ANKRD28: variants seen among roughly 807,000 people sequenced by gnomAD.
ANKRD28 encodes the protein serine/threonine-protein phosphatase 6 regulatory ankyrin repeat subunit A.
In ANKRD28, 44 loss-of-function variants were observed where a neutral mutation model predicts 126.5. The observed-to-expected ratio is 0.35, with a 90% CI of 0.27 to 0.45. The LOEUF (loss-of-function observed/expected upper bound fraction) is 0.45, where lower values mean the gene tolerates loss of function less well. Ranked by LOEUF, ANKRD28 falls within the 20% of genes least tolerant of loss-of-function variation. The pLI is 1.00. For synonymous variants in ANKRD28, 442 were observed against 468.5 expected, an observed-to-expected ratio of 0.94 and a Z score of 0.73; for missense variants, 1,110 against 1,316.6, an observed-to-expected ratio of 0.84 and a Z score of 2.43.
chr3:15,818,692 T>C (rs1203209346), intron 1 of ANKRD28, among the ~76,000 whole-genome samples: 1 of 152,190 alleles, frequency 6.6e-6, no homozygotes, highest in Non-Finnish European at 1.5e-5. Flanking sequence ...CACAAGATAC[T>C]TTAATATTTT....
At position 15,767,426 on chromosome 3, in the gene ANKRD28, T is replaced by A. The variant is rs919997845; in HGVS notation, c.202-1114A>T. Among the ~76,000 whole-genome samples, 5 of 152,122 alleles carry A rather than the reference T, an allele frequency of 3.3e-5. 1 individual carries two copies. Among genetic ancestry groups the A allele is most frequent in the Admixed American group, 3.3e-4 (5 of 15,272 alleles). ...ATGTTCTTCCTTTTGTCCACAGGAA[T>A]AAAATTTTAGCTGGTCACTTAGCCA... On this transcript the variant is annotated intron_variant, in intron 2 of 27. Transcript: ENST00000683139.
rs867265609 is a variant in ANKRD28, at chr3:15,793,889, A to G, written c.201+1334T>C. 5.3e-4 allele frequency among the ~76,000 whole-genome samples: 80 copies of G among 152,184 alleles called. No homozygotes were observed. The Middle Eastern group carries it at 0.031, about 58-fold the overall frequency. Reference sequence around the variant, plus strand: ...GAGACCAGCCTGGCCAACATGGTGAATGAAACCCTGTCTCTACTAAAAACA... The same window carrying G: ...GAGACCAGCCTGGCCAACATGGTGAGTGAAACCCTGTCTCTACTAAAAACA... On this transcript the variant is annotated intron_variant, in intron 2 of 27. Coordinates refer to ENST00000683139, the MANE Select transcript of ANKRD28 (RefSeq NM_001349278.2).
chr3:15,691,037 A>C (rs74874389), intron 17 of ANKRD28, among the ~76,000 whole-genome samples: 5 of 152,206 alleles, frequency 3.3e-5, no homozygotes, highest in African/African-American at 1.2e-4. Context: ...AGAAATGCAT[A>C]ACCGAGCCCT....
intron 2 of ANKRD28, among the ~76,000 whole-genome samples, chr3:15,786,623 G>A (rs2059792465): frequency 6.6e-6 from 1 of 151,892 alleles, no homozygotes; most frequent in Admixed American, 6.6e-5. Flanking sequence ...ATTATACATC[G>A]ATTGTATCTC....
intron 1 of ANKRD28, among the ~76,000 whole-genome samples, chr3:15,835,956 C>T (rs1575795761): frequency 6.6e-6 from 1 of 152,054 alleles, no homozygotes; most frequent in East Asian, 1.9e-4. Context: ...ATAACTTCTA[C>T]TTTTTTCTTC....
At chr3:15,850,224 TAGAGAGAGAGAGAG>T (rs375278547) in intron 1 of ANKRD28, among the ~76,000 whole-genome samples, 8 of 35,112 alleles carry the variant, frequency 2.3e-4, no homozygotes, top group Non-Finnish European at 3.0e-4. Context: ...TATATATATA[TAGAGAGAGAGAGAG>T]AGAGAGAGAG....
chr3:15,752,286 A>C (rs929997741), intron 3 of ANKRD28, among the ~76,000 whole-genome samples: 18 of 152,286 alleles, frequency 1.2e-4, no homozygotes, highest in African/African-American at 4.1e-4. Context: ...CCATGATTTA[A>C]AACACATTGT....
At chr3:15,749,239 T>C (rs539846061) in intron 4 of ANKRD28, among the ~76,000 whole-genome samples, 23 of 150,418 alleles carry the variant, frequency 1.5e-4, no homozygotes, top group African/African-American at 5.4e-4. Context: ...GCCTCCCGAG[T>C]AGCTGGGACT....
In ANKRD28 at chr3:15,845,959, C is replaced by T. The variant is rs2061521172; in HGVS notation, c.27+13418G>A. The stretch of plus-strand genomic sequence containing the variant: ...AATAGCATCTCACCAGTCCCCTCCT[C>T]TGACACATGGAGATTACAATTTGAG... On this transcript the variant is annotated intron_variant, in intron 1 of 27. Coordinates refer to the ANKRD28 transcript ENST00000399451. This position sits in a 1 kb window ranked among gnomAD's most constrained non-coding sequence, Gnocchi z 4.9. 6.6e-6 allele frequency among the ~76,000 whole-genome samples: 1 copy of T among 152,174 alleles called. No individual in the cohort carries two copies. Among genetic ancestry groups the T allele is most frequent in the Non-Finnish European group, 1.5e-5 (1 of 68,030 alleles).
intron 3 of ANKRD28, chr3:15,756,367 T>C (rs1304886141): frequency 2.7e-6 from 1 of 365,692 alleles, no homozygotes; most frequent in African/African-American, 2.2e-5. Context: ...CATATAAAAG[T>C]GCACTCTGAA....
At chr3:15,738,214 G>A (rs1013683980) in intron 4 of ANKRD28, among the ~76,000 whole-genome samples, 9 of 152,240 alleles carry the variant, frequency 5.9e-5, no homozygotes, top group African/African-American at 1.9e-4. Flanking sequence ...TTTTCCCTAA[G>A]TGTCGGCTGG....
chr3:15,834,454 T>C (rs1251909662), intron 1 of ANKRD28, among the ~76,000 whole-genome samples: 2 of 152,156 alleles, frequency 1.3e-5, no homozygotes, highest in African/African-American at 4.8e-5. Context: ...GTTACTATAG[T>C]CTTGCAGTAT....
Position 15,712,296 on chromosome 3 carries a change from G to C in ANKRD28, c.1191-74C>G, listed in dbSNP as rs996089714. 4 of 1,214,232 alleles carry C rather than the reference G, an allele frequency of 3.3e-6. No individual in the cohort carries two copies. In the African/African-American group the frequency reaches 6.0e-5, roughly 18 times the overall value. 75.2% of individuals were successfully genotyped at this position (1,214,232 alleles called of 1,614,324 possible). On this transcript the variant is annotated intron_variant, in intron 10 of 27. Transcript: ENST00000683139. ...TACAATCAGTTAAATACATTACAAA[G>C]AGACCACTTAAGTGAAAGATAACTA...
At chr3:15,785,094 G>A (rs1216706771) in intron 2 of ANKRD28, among the ~76,000 whole-genome samples, 1 of 152,026 alleles carries the variant, frequency 6.6e-6, no homozygotes, top group Non-Finnish European at 1.5e-5. Flanking sequence ...CCCAAACTAT[G>A]AAACTATAAA....
chr3:15,809,927 G>A (rs957690794), intron 1 of ANKRD28, among the ~76,000 whole-genome samples: 1 of 152,076 alleles, frequency 6.6e-6, no homozygotes, highest in African/African-American at 2.4e-5. Flanking sequence ...ATGCAGCTAT[G>A]CCCTTGCAGA....
At chr3:15,822,091 C>T (rs779486242) in intron 1 of ANKRD28, among the ~76,000 whole-genome samples, 1 of 152,172 alleles carries the variant, frequency 6.6e-6, no homozygotes, top group Non-Finnish European at 1.5e-5. Flanking sequence ...AACCTAGAGG[C>T]CACATGCGTG....
intron 3 of ANKRD28, among the ~76,000 whole-genome samples, chr3:15,757,054 G>T (rs111761085): frequency 2.0e-5 from 3 of 152,254 alleles, no homozygotes; most frequent in African/African-American, 7.2e-5. Context: ...TATTCAATGT[G>T]AAGATGACAA....
chr3:15,705,056 G>C (rs938912180), intron 14 of ANKRD28, among the ~76,000 whole-genome samples: 5 of 152,142 alleles, frequency 3.3e-5, no homozygotes, highest in African/African-American at 9.7e-5. Context: ...AATGGGTACA[G>C]TATGGAAACT....
intron 14 of ANKRD28, among the ~76,000 whole-genome samples, chr3:15,704,508 A>C (rs1575263683): frequency 6.6e-6 from 1 of 152,278 alleles, no homozygotes; most frequent in East Asian, 1.9e-4. Flanking sequence ...TTTTTAAAAA[A>C]CCATTTAAAA....
Sources: gnomAD v4.1 joint callset for allele counts (sites outside exome capture counted in the v4.1 genomes callset) on GRCh38, gnomAD v4.1.1 for gene constraint, Gnocchi (gnomAD v3.1) non-coding constraint, MANE v1.5 for transcripts, NCBI Gene and HGNC (gene_info 2026-07-23, HGNC 2026-07-21) for gene names.